The following RFC3 variants were observed in gnomAD, a reference collection of about 807,000 sequenced individuals.
RFC3 encodes the protein replication factor C subunit 3, also known as A1 38 kDa subunit.
Under a neutral mutation model 45.1 loss-of-function variants are expected in RFC3, and 41 were observed. The ratio of observed to expected loss-of-function variants is 0.91; its 90% CI spans 0.71 to 1.18. The LOEUF is 1.18. RFC3 is among the 50% of genes most tolerant of loss of function. The pLI, the probability that RFC3 is intolerant of heterozygous loss-of-function variation, is 0.00. For missense variants in RFC3, 423 were observed against 428.1 expected (o/e 0.99, Z 0.10); for synonymous variants, 149 against 144.0 (o/e 1.03, Z -0.25).
intron 8 of RFC3, among the ~76,000 whole-genome samples, chr13:33,882,701 T>G (rs908327782): frequency 3.3e-5 from 5 of 152,208 alleles, no homozygotes; most frequent in African/African-American, 1.2e-4. Flanking sequence ...TTTTGTGTTT[T>G]TGTTAAAGCA....
intron 8 of RFC3, among the ~76,000 whole-genome samples, chr13:33,905,739 A>G (rs577292999): frequency 6.6e-6 from 1 of 152,164 alleles, no homozygotes; most frequent in African/African-American, 2.4e-5. Context: ...TTAATATTGA[A>G]CTCAAATGAT....
intron 8 of RFC3, among the ~76,000 whole-genome samples, chr13:33,900,744 C>A (rs568398195): frequency 6.6e-6 from 1 of 151,430 alleles, no homozygotes; most frequent in African/African-American, 2.4e-5. Flanking sequence ...AAAGAGACAA[C>A]CCACAGAATG....
chr13:33,859,070 A>G (rs1320267083), intron 8 of RFC3, among the ~76,000 whole-genome samples: 2 of 152,162 alleles, frequency 1.3e-5, no homozygotes, highest in African/African-American at 4.8e-5. Flanking sequence ...TTTCACATTT[A>G]TTGTTCCTGG....
chr13:33,964,215 G>A (rs1487762498), intron 8 of RFC3, among the ~76,000 whole-genome samples: 1 of 152,160 alleles, frequency 6.6e-6, no homozygotes, highest in African/African-American at 2.4e-5. Flanking sequence ...TACCGTTATT[G>A]TTTTCAGAGG....
intron 8 of RFC3, among the ~76,000 whole-genome samples, chr13:33,868,468 A>G (rs2082387593): frequency 1.3e-5 from 2 of 152,244 alleles, no homozygotes. Context: ...AAAAATGGAA[A>G]GTACCTTTGA....
intron 8 of RFC3, chr13:33,847,358 T>C (rs2082245212): frequency 1.3e-5 from 2 of 152,230 alleles, no homozygotes; most frequent in African/African-American, 2.4e-5. Flanking sequence ...TTCTTGTTCT[T>C]ACAAAGGTGC....
intron 8 of RFC3, among the ~76,000 whole-genome samples, chr13:33,923,842 T>A (rs2082784895): frequency 6.6e-6 from 1 of 152,132 alleles, no homozygotes; most frequent in Non-Finnish European, 1.5e-5. Flanking sequence ...TGTCCCAGGC[T>A]GCCAGAGAAA....
At chr13:33,837,765 A>G (rs1402308120), downstream of RFC3, among the ~76,000 whole-genome samples, 1 of 151,746 alleles carries the variant, frequency 6.6e-6, no homozygotes, top group Non-Finnish European at 1.5e-5. Flanking sequence ...TTATTTTTCT[A>G]GGTTATGTAC....
chr13:33,935,073 A>G (rs1489433001), intron 8 of RFC3, among the ~76,000 whole-genome samples: 1 of 152,146 alleles, frequency 6.6e-6, no homozygotes, highest in Non-Finnish European at 1.5e-5. Flanking sequence ...GATCATGTCA[A>G]GGTCCAAAAA....
chr13:33,884,595 A>G (rs931311890), intron 8 of RFC3, among the ~76,000 whole-genome samples: 9 of 152,178 alleles, frequency 5.9e-5, no homozygotes, highest in Non-Finnish European at 1.0e-4. Flanking sequence ...TCTCCCAGCA[A>G]TCCATCCAGC....
intron 8 of RFC3, among the ~76,000 whole-genome samples, chr13:33,853,756 AAG>A (rs2082292013): frequency 6.6e-6 from 1 of 152,176 alleles, no homozygotes. Flanking sequence ...TATGGAACCC[AAG>A]AGAGAGAAGT....
At chr13:33,973,594 CCTTCTCCTT>C in the RFC3 span, among the ~76,000 whole-genome samples, 4 of 145,906 alleles carry the variant, frequency 2.7e-5, no homozygotes, top group African/African-American at 1.1e-4. Context: ...ATTTTCAACT[CCTTCTCCTT>C]CTCCTTCTCC....
intron 8 of RFC3, among the ~76,000 whole-genome samples, chr13:33,956,485 C>G (rs2083022729): frequency 6.6e-6 from 1 of 152,204 alleles, no homozygotes. Context: ...TCCCTAAACT[C>G]TGCTAAACTA....
chr13:33,820,654 T>C (rs998135732), intron 1 of RFC3, among the ~76,000 whole-genome samples: 2 of 152,192 alleles, frequency 1.3e-5, no homozygotes, highest in Admixed American at 1.3e-4. Flanking sequence ...CACTGAATTG[T>C]TATCACAGGG....
At chr13:33,843,090 A>C (rs1466198332) in intron 8 of RFC3, among the ~76,000 whole-genome samples, 1 of 152,170 alleles carries the variant, frequency 6.6e-6, no homozygotes, top group Non-Finnish European at 1.5e-5. Context: ...AAACAAAAAA[A>C]CAAAAAAAAC....
intron 8 of RFC3, among the ~76,000 whole-genome samples, chr13:33,891,341 T>C (rs2082562083): frequency 6.6e-6 from 1 of 152,134 alleles, no homozygotes; most frequent in Non-Finnish European, 1.5e-5. Flanking sequence ...CCTAAAGGTT[T>C]TATCTTGAGG....
chr13:33,879,741 T>A (rs2082470464), intron 8 of RFC3, among the ~76,000 whole-genome samples: 2 of 152,262 alleles, frequency 1.3e-5, no homozygotes, highest in South Asian at 2.1e-4. Flanking sequence ...GCGGTTTAAA[T>A]CTACATATCG....
At chr13:33,975,159 T>C in the RFC3 span, among the ~76,000 whole-genome samples, 2 of 152,336 alleles carry the variant, frequency 1.3e-5, no homozygotes, top group Middle Eastern at 3.4e-3. Flanking sequence ...CAAAGGTGAA[T>C]TGATGAACAA....
At chr13:33,863,393 G>A (rs2082354072) in intron 8 of RFC3, among the ~76,000 whole-genome samples, 1 of 152,096 alleles carries the variant, frequency 6.6e-6, no homozygotes, top group South Asian at 2.1e-4. Flanking sequence ...TCCCCACCCC[G>A]CCTAGGTTGC....
Sources: gnomAD v4.1 joint callset for allele counts (sites outside exome capture counted in the v4.1 genomes callset) on GRCh38, gnomAD v4.1.1 for gene constraint, MANE v1.5 for transcripts, NCBI Gene and HGNC (gene_info 2026-07-23, HGNC 2026-07-21) for gene names.